SEZ6L: variants seen among roughly 807,000 people sequenced by gnomAD.
SEZ6L encodes seizure related 6 homolog like, also known as seizure 6-like protein.
Under a neutral mutation model 106.2 loss-of-function variants are expected in SEZ6L, and 37 were observed. That is an observed-to-expected ratio of 0.35 (90% CI 0.27 to 0.46). The LOEUF (loss-of-function observed/expected upper bound fraction) is 0.46. SEZ6L is among the 20% of genes least tolerant of loss of function. The pLI, the probability that SEZ6L is intolerant of heterozygous loss-of-function variation, is 1.00. For synonymous variants in SEZ6L, 541 were observed against 570.4 expected, an observed-to-expected ratio of 0.95 and a Z score of 0.73; for missense variants, 1,172 against 1,332.8, an observed-to-expected ratio of 0.88 and a Z score of 1.88.
chr22:26,340,429 C>G lies in SEZ6L; in HGVS notation c.2016-7C>G. ...CACATGACTCTCCCTCTTCTCTGCC[C>G]TCCAAGCCTGAATCTGAGCAACAGT... On this transcript the variant is annotated splice_polypyrimidine_tract_variant and splice_region_variant and intron_variant, in intron 9 of 16. Transcript: ENST00000248933. 3 of 1,608,068 alleles carry G rather than the reference C, an allele frequency of 1.9e-6. No individual in the cohort carries two copies. The highest frequency in any genetic ancestry group is 2.5e-6 in the Non-Finnish European group (3 of 1,177,072).
At position 26,203,525 on chromosome 22, in the gene SEZ6L, A is replaced by G. The variant is rs544872696; in HGVS notation, c.94+33762A>G. ...TGGATGAGTCAATTCATTTGGATTTATCATTTGTCACATTTCTTTCCTCTC... is the reference window on the plus strand; with the variant it reads ...TGGATGAGTCAATTCATTTGGATTTGTCATTTGTCACATTTCTTTCCTCTC... On this transcript the variant is annotated intron_variant, in intron 1 of 16. Coordinates refer to ENST00000248933, the MANE Select transcript of SEZ6L (RefSeq NM_021115.5). Among the ~76,000 whole-genome samples, 4 of 151,162 alleles carry G rather than the reference A, an allele frequency of 2.6e-5. No homozygotes were observed. The South Asian group carries it at 6.4e-4, about 24-fold the overall frequency.
chr22:26,274,828 G>A (rs1022253815), intron 1 of SEZ6L, among the ~76,000 whole-genome samples: 2 of 152,170 alleles, frequency 1.3e-5, no homozygotes, highest in Non-Finnish European at 2.9e-5. Context: ...AAACTCACCC[G>A]ACCTTCAGTG....
intron 1 of SEZ6L, among the ~76,000 whole-genome samples, chr22:26,213,774 A>C (rs1035013257): frequency 6.6e-6 from 1 of 152,216 alleles, no homozygotes; most frequent in Non-Finnish European, 1.5e-5. Context: ...TACAAAAATT[A>C]GCTGGGTGTA....
At chr22:26,296,267 A>G (rs1311064486) in intron 3 of SEZ6L, among the ~76,000 whole-genome samples, 3 of 152,322 alleles carry the variant, frequency 2.0e-5, no homozygotes, top group African/African-American at 7.2e-5. Context: ...CTGCAGTTGT[A>G]GCCACCACTG....
At chr22:26,376,691 G>T (rs762110470) in intron 15 of SEZ6L, among the ~76,000 whole-genome samples, 1 of 152,198 alleles carries the variant, frequency 6.6e-6, no homozygotes, top group Non-Finnish European at 1.5e-5. Flanking sequence ...GGAGGTTGCA[G>T]TGAGCCAAGA....
At chr22:26,359,311 C>A (rs2083537179) in intron 12 of SEZ6L, among the ~76,000 whole-genome samples, 1 of 152,170 alleles carries the variant, frequency 6.6e-6, no homozygotes, top group Non-Finnish European at 1.5e-5. Flanking sequence ...TCAGCCACTT[C>A]CTGCTTGAGG....
chr22:26,360,882 T>G (rs1400247722), intron 12 of SEZ6L, among the ~76,000 whole-genome samples: 1 of 139,524 alleles, frequency 7.2e-6, no homozygotes, highest in Non-Finnish European at 1.6e-5. Flanking sequence ...GTCTACGGGC[T>G]GAAAAAAAAA....
At chr22:26,349,543 A>G (rs1413321221) in intron 11 of SEZ6L, among the ~76,000 whole-genome samples, 1 of 152,132 alleles carries the variant, frequency 6.6e-6, no homozygotes, top group Admixed American at 6.5e-5. Context: ...ACATCTATAT[A>G]TGTGTCATCT....
At chr22:26,208,943 T>C (rs993401362) in intron 1 of SEZ6L, among the ~76,000 whole-genome samples, 2 of 151,532 alleles carry the variant, frequency 1.3e-5, no homozygotes, top group African/African-American at 4.8e-5. Context: ...TGGGTTTTAT[T>C]CTTCTTAATC....
At chr22:26,329,650 G>A (rs988334694) in intron 9 of SEZ6L, among the ~76,000 whole-genome samples, 7 of 152,262 alleles carry the variant, frequency 4.6e-5, no homozygotes, top group African/African-American at 7.2e-5. Flanking sequence ...AAGGCCCCTC[G>A]ACAATTCTGT....
At chr22:26,301,674 A>G (rs1198928108) in intron 5 of SEZ6L, among the ~76,000 whole-genome samples, 1 of 152,102 alleles carries the variant, frequency 6.6e-6, no homozygotes, top group East Asian at 1.9e-4. Flanking sequence ...GGGAAGGATT[A>G]CCTGATAACA....
intron 5 of SEZ6L, among the ~76,000 whole-genome samples, chr22:26,303,647 A>G (rs552270338): frequency 6.6e-6 from 1 of 152,274 alleles, no homozygotes; most frequent in South Asian, 2.1e-4. Context: ...TGCAAAATTA[A>G]TCGTGGTTAT....
At chr22:26,312,289 C>A (rs753632590) in intron 8 of SEZ6L, among the ~76,000 whole-genome samples, 50 of 152,220 alleles carry the variant, frequency 3.3e-4, no homozygotes, top group Non-Finnish European at 6.5e-4. Context: ...CACGCAATAA[C>A]CTCATTAATA....
intron 9 of SEZ6L, among the ~76,000 whole-genome samples, chr22:26,315,263 TGAGACCAG>T (rs879540127): frequency 3.3e-5 from 5 of 152,192 alleles, no homozygotes; most frequent in Non-Finnish European, 5.9e-5. Flanking sequence ...GAGGATTGCT[TGAGACCAG>T]GAGTTTGAGA....
intron 1 of SEZ6L, among the ~76,000 whole-genome samples, chr22:26,280,989 A>T (rs2080742822): frequency 6.6e-6 from 1 of 152,172 alleles, no homozygotes; most frequent in East Asian, 1.9e-4. Flanking sequence ...CATACAATAG[A>T]TCCCTTGAAC....
rs1284726738 is a variant in SEZ6L at position 26,375,574 on chromosome 22, G to T, written c.2828-1G>T. On this transcript the variant is annotated splice_acceptor_variant, in intron 14 of 16. Coordinates refer to ENST00000248933, the MANE Select transcript of SEZ6L (RefSeq NM_021115.5). LOFTEE classifies it high-confidence loss of function. ...AGGACCTCACTGGCTCCTGTGTTCA[G>T]TAGCAGAAGCGGCAGCAGAGACGTC... is the stretch of plus-strand genomic sequence containing the variant. The T allele has an allele frequency of 1.2e-6, 2 of 1,613,662 alleles. No individual in the cohort carries two copies. Among genetic ancestry groups the T allele is most frequent in the Non-Finnish European group, 1.7e-6 (2 of 1,179,610 alleles).
chr22:26,309,725 C>T lies in SEZ6L; in HGVS notation c.1515-945C>T, dbSNP rs1429064468. The stretch of plus-strand genomic sequence containing the variant: ...TCCAGAGTAGCAGGGACTATAGGCA[C>T]GCGCCACCATATCTGTCTGATTTTT... On this transcript the variant is annotated intron_variant, in intron 6 of 16. Transcript: ENST00000248933. Among the ~76,000 whole-genome samples the T allele has an allele frequency of 5.3e-5, 8 of 152,104 alleles. No individual in the cohort carries two copies. The East Asian group carries it at 1.2e-3, about 22-fold the overall frequency.
chr22:26,293,678 AC>A (rs2081210805), intron 2 of SEZ6L, among the ~76,000 whole-genome samples: 1 of 152,156 alleles, frequency 6.6e-6, no homozygotes, highest in African/African-American at 2.4e-5. Flanking sequence ...CCCCCAAGCA[AC>A]CTGCCAAAGG....
At chr22:26,290,802 A>G (rs1424100220) in intron 1 of SEZ6L, among the ~76,000 whole-genome samples, 3 of 152,162 alleles carry the variant, frequency 2.0e-5, no homozygotes, top group South Asian at 2.1e-4. Context: ...ACCCCTTGCA[A>G]TTCTTTTGTG....
Sources: gnomAD v4.1 joint callset for allele counts (sites outside exome capture counted in the v4.1 genomes callset) on GRCh38, gnomAD v4.1.1 for gene constraint, MANE v1.5 for transcripts, NCBI Gene and HGNC (gene_info 2026-07-23, HGNC 2026-07-21) for gene names.